Variants in FOXP1 observed in about 807,000 individuals in gnomAD.
The protein encoded by FOXP1 is forkhead box protein P1.
In FOXP1, 15 loss-of-function variants were observed where a neutral mutation model predicts 98.2. The ratio of observed to expected loss-of-function variants is 0.15; its 90% CI spans 0.10 to 0.24. The LOEUF is 0.24. Ranked by LOEUF, FOXP1 falls within the 10% of genes least tolerant of loss-of-function variation. The probability of loss-of-function intolerance (pLI) is 1.00; values close to 1 mark genes in which losing one functional copy is unlikely to be tolerated. For missense variants in FOXP1, 633 were observed against 848.5 expected, an observed-to-expected ratio of 0.75 and a Z score of 3.15; for synonymous variants, 371 against 314.5, an observed-to-expected ratio of 1.18 and a Z score of -1.90.
chr3:71,552,159 T>A (rs1264225191), intron 2 of FOXP1, among the ~76,000 whole-genome samples: 3 of 152,108 alleles, frequency 2.0e-5, no homozygotes, highest in African/African-American at 7.2e-5. Context: ...TGAACATTAT[T>A]CTGTAAGGCA....
intron 3 of FOXP1, among the ~76,000 whole-genome samples, chr3:71,473,044 T>C (rs9837233): frequency 0.041 from 6,240 of 152,252 alleles, 411 homozygotes; most frequent in African/African-American, 0.14. Flanking sequence ...TTTGAACACA[T>C]AGCCTAGCAC....
intron 3 of FOXP1, among the ~76,000 whole-genome samples, chr3:71,477,359 A>G (rs1025238858): frequency 2.6e-5 from 4 of 152,224 alleles, no homozygotes; most frequent in African/African-American, 9.6e-5. Flanking sequence ...CAGAAACTGT[A>G]AAACTCTCGT....
chr3:71,331,964 A>C (rs1031293401), intron 4 of FOXP1, among the ~76,000 whole-genome samples: 22 of 152,222 alleles, frequency 1.4e-4, no homozygotes, highest in African/African-American at 4.8e-4. Flanking sequence ...AACATGGACC[A>C]ATCAGCTCTC....
chr3:71,539,108 T>A (rs2044557250), intron 2 of FOXP1, among the ~76,000 whole-genome samples: 2 of 149,942 alleles, frequency 1.3e-5, no homozygotes, highest in Non-Finnish European at 1.5e-5. Context: ...TTTATTTTTT[T>A]GTTTTTATTT....
At chr3:71,283,031 T>C (rs1309982234) in intron 5 of FOXP1, among the ~76,000 whole-genome samples, 1 of 152,174 alleles carries the variant, frequency 6.6e-6, no homozygotes, top group Non-Finnish European at 1.5e-5. Flanking sequence ...AAGTGCACTC[T>C]CAGGAATGGG....
chr3:71,304,038 T>G (rs2107584020), intron 4 of FOXP1, among the ~76,000 whole-genome samples: 1 of 152,322 alleles, frequency 6.6e-6, no homozygotes, highest in South Asian at 2.1e-4. Context: ...ATCTCTCTCC[T>G]ATCCCTGCAA....
At chr3:71,468,651 C>G (rs187697247) in intron 3 of FOXP1, among the ~76,000 whole-genome samples, 11 of 152,320 alleles carry the variant, frequency 7.2e-5, no homozygotes, top group Non-Finnish European at 1.5e-4. Context: ...ACCACCCTTT[C>G]ATCATTGCCA....
upstream of FOXP1, chr3:71,583,916 G>A: frequency 1.0e-6 from 1 of 983,554 alleles, no homozygotes; most frequent in Non-Finnish European, 1.2e-6. Flanking sequence ...GCACCCCGCT[G>A]GGCACTCCAG....
In FOXP1 at chr3:71,316,359, G is replaced by A. The variant is rs148343661; in HGVS notation, c.-72-16479C>T. 1.1e-3 allele frequency among the ~76,000 whole-genome samples: 167 copies of A among 152,256 alleles called. 1 individual carries two copies. The highest frequency in any genetic ancestry group is 3.3e-3 in the African/African-American group (138 of 41,548). On this transcript the variant is annotated intron_variant, in intron 4 of 20. Coordinates refer to ENST00000649528, the MANE Select transcript of FOXP1 (RefSeq NM_001349338.3). Reference sequence around the variant, plus strand: ...CCCTGCTCCAGGGCTAGAGCTAGTGGCCATCGGGATGACCACAGCTGTGCT... The same window carrying A: ...CCCTGCTCCAGGGCTAGAGCTAGTGACCATCGGGATGACCACAGCTGTGCT...
intron 7 of FOXP1, among the ~76,000 whole-genome samples, chr3:71,095,109 G>A (rs1343854427): frequency 6.6e-6 from 1 of 152,196 alleles, no homozygotes; most frequent in Admixed American, 6.5e-5. Flanking sequence ...CGTAGGCAGC[G>A]AAATATTTAT....
intron 6 of FOXP1, among the ~76,000 whole-genome samples, chr3:71,191,353 CT>C (rs1222826942): frequency 6.6e-6 from 1 of 152,108 alleles, no homozygotes; most frequent in African/African-American, 2.4e-5. Context: ...ATAGGGCGTT[CT>C]TTTTTTATGA....
chr3:71,297,229 T>A (rs2073390939), intron 5 of FOXP1, among the ~76,000 whole-genome samples: 1 of 152,228 alleles, frequency 6.6e-6, no homozygotes, highest in Admixed American at 6.5e-5. Context: ...ATCCCATAGA[T>A]CATGCACTTG....
intron 6 of FOXP1, among the ~76,000 whole-genome samples, chr3:71,139,925 A>G (rs1282261479): frequency 1.3e-5 from 2 of 152,164 alleles, no homozygotes; most frequent in East Asian, 1.9e-4. Context: ...GGGGCACTAC[A>G]AGGTTCCTAA....
chr3:70,964,697 A>C (rs564356455), intron 20 of FOXP1, among the ~76,000 whole-genome samples: 2 of 152,338 alleles, frequency 1.3e-5, no homozygotes, highest in South Asian at 4.1e-4. Flanking sequence ...CACACTCTTA[A>C]AATGCTGTGA....
chr3:70,966,366 G>A, intron 19 of FOXP1: 1 of 386,710 alleles, frequency 2.6e-6, no homozygotes, highest in African/African-American at 2.1e-5. Context: ...TATGTCGGAT[G>A]CGTTTTTAAG....
intron 5 of FOXP1, among the ~76,000 whole-genome samples, chr3:71,204,379 C>T (rs1489936641): frequency 1.3e-5 from 2 of 152,114 alleles, no homozygotes; most frequent in Non-Finnish European, 2.9e-5. Context: ...CTTTTTTCCC[C>T]TAGTAGGCAA....
intron 1 of FOXP1, chr3:71,582,536 G>A: frequency 3.0e-6 from 3 of 985,474 alleles, no homozygotes; most frequent in Non-Finnish European, 3.6e-6. Flanking sequence ...GACAGGGCCG[G>A]AGGGACGAGG....
Position 71,523,438 on chromosome 3 carries a change from T to C in FOXP1, c.-297-29883A>G, listed in dbSNP as rs912574387. 4.6e-5 allele frequency among the ~76,000 whole-genome samples: 7 copies of C among 152,330 alleles called. No individual in the cohort carries two copies. In the South Asian group the frequency reaches 8.3e-4, roughly 18 times the overall value. On this transcript the variant is annotated intron_variant, in intron 2 of 20. Transcript: ENST00000649528. The stretch of plus-strand genomic sequence containing the variant: ...ACAGTAACCCTTTATTTTTAAGCTA[T>C]TAAGGCTTTCTCTCTTAAGACAAAT...
chr3:71,259,574 G>A (rs912830298), intron 5 of FOXP1, among the ~76,000 whole-genome samples: 4 of 152,128 alleles, frequency 2.6e-5, no homozygotes, highest in Non-Finnish European at 4.4e-5. Flanking sequence ...CCCTATGGGC[G>A]TCTGGTAAAG....
Sources: allele counts gnomAD v4.1 joint callset (sites outside exome capture counted in the v4.1 genomes callset), GRCh38; gene constraint gnomAD v4.1.1; transcripts MANE v1.5; gene names NCBI Gene and HGNC (gene_info 2026-07-23, HGNC 2026-07-21).